ERBB4: variants seen among roughly 807,000 people sequenced by gnomAD.
The protein encoded by ERBB4 is receptor tyrosine-protein kinase erbB-4.
In ERBB4, 42 loss-of-function variants were observed where a neutral mutation model predicts 158.0. The ratio of observed to expected loss-of-function variants is 0.27; its 90% CI spans 0.21 to 0.34. The LOEUF (loss-of-function observed/expected upper bound fraction) is 0.34. ERBB4 is among the 10% of genes least tolerant of loss of function. The pLI is 1.00. For synonymous variants in ERBB4, 583 were observed against 558.7 expected, an observed-to-expected ratio of 1.04 and a Z score of -0.61; for missense variants, 1,333 against 1,624.1, an observed-to-expected ratio of 0.82 and a Z score of 3.08.
At chr2:211,862,900 C>T (rs2106084683) in intron 3 of ERBB4, among the ~76,000 whole-genome samples, 1 of 152,286 alleles carries the variant, frequency 6.6e-6, no homozygotes, top group Admixed American at 6.5e-5. Context: ...ATGCACCAAT[C>T]AGCGCTCTGT....
At chr2:212,051,004 A>T (rs1363674048) in intron 2 of ERBB4, among the ~76,000 whole-genome samples, 5 of 152,158 alleles carry the variant, frequency 3.3e-5, no homozygotes, top group Non-Finnish European at 7.3e-5. Flanking sequence ...GCAAAGCCAT[A>T]CTGTAACTGA....
intron 1 of ERBB4, among the ~76,000 whole-genome samples, chr2:212,157,030 C>A (rs2081054537): frequency 6.6e-6 from 1 of 152,114 alleles, no homozygotes; most frequent in Admixed American, 6.6e-5. Context: ...AAATGCATGT[C>A]TTGATGTCAT....
intron 2 of ERBB4, among the ~76,000 whole-genome samples, chr2:212,055,410 T>A (rs2077528182): frequency 6.6e-6 from 1 of 152,228 alleles, no homozygotes; most frequent in Admixed American, 6.5e-5. Context: ...TGTCCCTGTC[T>A]GACAGCTTTG....
intron 2 of ERBB4, among the ~76,000 whole-genome samples, chr2:211,950,331 G>A (rs1309401344): frequency 6.6e-6 from 1 of 152,106 alleles, no homozygotes; most frequent in Non-Finnish European, 1.5e-5. Context: ...AAACTTGCAT[G>A]TAAGACCTCT....
chr2:212,027,267 A>T lies in ERBB4; in HGVS notation c.235-79651T>A, dbSNP rs532154119. Among the ~76,000 whole-genome samples the T allele has an allele frequency of 5.8e-4, 88 of 152,164 alleles. No individual in the cohort carries two copies. In the Middle Eastern group the frequency reaches 0.014, roughly 24 times the overall value. On this transcript the variant is annotated intron_variant, in intron 2 of 27. Transcript: ENST00000342788. ...CATTAAATTTAACCATGGAAAATAT[A>T]ATGTTCGTGAGAAATTATATGTGTT...
At chr2:211,526,291 C>T (rs1194409958) in intron 20 of ERBB4, among the ~76,000 whole-genome samples, 1 of 152,072 alleles carries the variant, frequency 6.6e-6, no homozygotes, top group African/African-American at 2.4e-5. Context: ...AGACAAAAAA[C>T]AAGAGTCTCT....
At chr2:212,069,670 T>C (rs2078053519) in intron 2 of ERBB4, among the ~76,000 whole-genome samples, 1 of 152,050 alleles carries the variant, frequency 6.6e-6, no homozygotes, top group South Asian at 2.1e-4. Flanking sequence ...ATAAACATTT[T>C]ACGAAATACA....
chr2:212,167,303 G>C (rs148482591), intron 1 of ERBB4, among the ~76,000 whole-genome samples: 15,699 of 152,000 alleles, frequency 0.1, 2,702 homozygotes, highest in African/African-American at 0.36. Context: ...CTTCTCAAAA[G>C]AAGATATTTA....
At chr2:212,191,551 TGCCTGTTATATATA>T (rs1319964508) in intron 1 of ERBB4, among the ~76,000 whole-genome samples, 965 of 131,318 alleles carry the variant, frequency 7.3e-3, no homozygotes, top group East Asian at 0.014. Flanking sequence ...ACATGTGTTA[TGCCTGTTATATATA>T]ACACATGTGT....
intron 20 of ERBB4, among the ~76,000 whole-genome samples, chr2:211,524,780 G>A (rs139259476): frequency 0.035 from 5,248 of 152,104 alleles, 306 homozygotes; most frequent in African/African-American, 0.12. Flanking sequence ...CCTGCAAGCT[G>A]AGGGAGCCGG....
chr2:211,915,896 C>A (rs2079676361), intron 3 of ERBB4, among the ~76,000 whole-genome samples: 1 of 151,624 alleles, frequency 6.6e-6, no homozygotes, highest in African/African-American at 2.4e-5. Flanking sequence ...AGGATTTATG[C>A]TAAGTAATTT....
chr2:211,486,297 T>C (rs2065203102), intron 20 of ERBB4, among the ~76,000 whole-genome samples: 2 of 152,164 alleles, frequency 1.3e-5, no homozygotes, highest in African/African-American at 4.8e-5. Context: ...TATTAATAAA[T>C]GAGAAACAAT....
intron 20 of ERBB4, among the ~76,000 whole-genome samples, chr2:211,496,698 C>G (rs1269288820): frequency 1.3e-5 from 2 of 152,168 alleles, no homozygotes; most frequent in Non-Finnish European, 2.9e-5. Context: ...AATACAGAAG[C>G]CAAAGATTTT....
chr2:211,691,246 A>G (rs1282848635), intron 12 of ERBB4, among the ~76,000 whole-genome samples: 3 of 152,122 alleles, frequency 2.0e-5, no homozygotes, highest in Non-Finnish European at 4.4e-5. Context: ...CTTACATGCT[A>G]CTTATCTTTA....
chr2:212,284,527 TA>T (rs1256878286), intron 1 of ERBB4, among the ~76,000 whole-genome samples: 1 of 152,146 alleles, frequency 6.6e-6, no homozygotes. Flanking sequence ...AGAGTGAACA[TA>T]AGGCCCAATT....
In ERBB4 at chr2:211,936,360, A is replaced by G. The variant is rs368777866; in HGVS notation, c.421+11070T>C. On this transcript the variant is annotated intron_variant, in intron 3 of 27. Transcript: ENST00000342788. ...TAAAATCAAACCTTTGATTTTCACC[A>G]CAGAGAAAATGAAACTGAGTAAATT... 8.8e-4 allele frequency among the ~76,000 whole-genome samples: 134 copies of G among 152,208 alleles called. 3 individuals carry two copies. In the South Asian group the frequency reaches 0.025, roughly 28 times the overall value.
intron 1 of ERBB4, among the ~76,000 whole-genome samples, chr2:212,525,150 C>A (rs536414718): frequency 6.6e-6 from 1 of 151,776 alleles, no homozygotes; most frequent in Non-Finnish European, 1.5e-5. Flanking sequence ...CAAGGGTTTA[C>A]GGAAATTTGA....
chr2:211,939,095 T>C (rs567171482), intron 3 of ERBB4, among the ~76,000 whole-genome samples: 1 of 152,298 alleles, frequency 6.6e-6, no homozygotes, highest in African/African-American at 2.4e-5. Context: ...TATATTCAAG[T>C]ATTATATAAT....
chr2:212,117,695 CT>C (rs1028688104), intron 2 of ERBB4, among the ~76,000 whole-genome samples: 2 of 152,086 alleles, frequency 1.3e-5, no homozygotes, highest in African/African-American at 4.8e-5. Flanking sequence ...CTTAAATCAT[CT>C]TTTTTGGGAA....
Sources: allele counts gnomAD v4.1 joint callset (sites outside exome capture counted in the v4.1 genomes callset), GRCh38; gene constraint gnomAD v4.1.1; transcripts MANE v1.5; gene names NCBI Gene and HGNC (gene_info 2026-07-23, HGNC 2026-07-21).